Variants in DENND4C observed in about 807,000 individuals in gnomAD.
DENND4C encodes the protein DENN domain-containing protein 4C.
A neutral mutation model predicts 203.0 loss-of-function variants in DENND4C; 108 were observed. The observed-to-expected ratio is 0.53, with a 90% CI of 0.46 to 0.62. The LOEUF is 0.62. Ranked by LOEUF, DENND4C falls within the 20% of genes least tolerant of loss-of-function variation. The probability of loss-of-function intolerance (pLI) is 0.00; values close to 1 mark genes in which losing one functional copy is unlikely to be tolerated. For synonymous variants in DENND4C, 871 were observed against 792.4 expected (o/e 1.10, Z -1.67); for missense variants, 2,481 against 2,301.2 (o/e 1.08, Z -1.60).
rs142571050 is a variant in DENND4C at position 19,269,001 on chromosome 9, T to A, written c.-17-7157T>A. Among the ~76,000 whole-genome samples the A allele has an allele frequency of 2.6e-3, 391 of 152,288 alleles. 1 individual carries two copies. The highest frequency in any genetic ancestry group is 9.2e-3 in the African/African-American group (384 of 41,568). The stretch of plus-strand genomic sequence containing the variant: ...TATGTTTGGGAAGTTCTCTGTAGTA[T>A]ATCTCTTTGAATAAACTTGGTACAT... On this transcript the variant is annotated intron_variant, in intron 1 of 32. Coordinates refer to ENST00000434457, the MANE Select transcript of DENND4C (RefSeq NM_001330640.2).
At chr9:19,254,867 C>G (rs1017667866) in intron 1 of DENND4C, among the ~76,000 whole-genome samples, 1 of 152,074 alleles carries the variant, frequency 6.6e-6, no homozygotes, top group South Asian at 2.1e-4. Flanking sequence ...TGTGGGGGCT[C>G]GTGCCTGTAA....
At chr9:19,322,869 C>G (rs1843122425) in intron 12 of DENND4C, among the ~76,000 whole-genome samples, 1 of 151,896 alleles carries the variant, frequency 6.6e-6, no homozygotes, top group Non-Finnish European at 1.5e-5. Context: ...ACCAGATAGG[C>G]AGAGCTAATG....
chr9:19,248,891 G>T (rs957106915), intron 1 of DENND4C, among the ~76,000 whole-genome samples: 12 of 151,570 alleles, frequency 7.9e-5, no homozygotes, highest in Non-Finnish European at 1.5e-4. Flanking sequence ...TCCGCCTCCT[G>T]GTGATTCTCG....
At chr9:19,313,006 T>C (rs1435111467) in intron 10 of DENND4C, among the ~76,000 whole-genome samples, 2 of 152,190 alleles carry the variant, frequency 1.3e-5, no homozygotes, top group Non-Finnish European at 2.9e-5. Context: ...TATATTGTTA[T>C]ATATTTGAAC....
intron 29 of DENND4C, 83 bp downstream of exon 29, chr9:19,360,572 C>A: frequency 6.6e-7 from 1 of 1,520,736 alleles, no homozygotes; most frequent in Non-Finnish European, 9.0e-7. Flanking sequence ...ACAACAGTAG[C>A]AGCTTAACAA....
chr9:19,248,027 C>T (rs1003722290), intron 1 of DENND4C, among the ~76,000 whole-genome samples: 1 of 152,138 alleles, frequency 6.6e-6, no homozygotes, highest in Admixed American at 6.5e-5. Context: ...CTTCTATCTG[C>T]TCTCCCTTGC....
In DENND4C at chr9:19,352,557, C is replaced by T; in HGVS notation, c.4673C>T (p.Ala1558Val). 1 of 1,613,752 alleles carries T rather than the reference C, an allele frequency of 6.2e-7. No individual in the cohort carries two copies. Among genetic ancestry groups the T allele is most frequent in the Non-Finnish European group, 8.5e-7 (1 of 1,179,798 alleles). ...GALVYDEEIMAGWTADDSNLN... is the reference protein window; with the variant it reads ...GALVYDEEIMVGWTADDSNLN... Reference sequence around the variant, plus strand: ...TTAGTTTATGATGAAGAAATTATGGCTGGATGGACAGCAGATGACTCAAAT... The same window carrying T: ...TTAGTTTATGATGAAGAAATTATGGTTGGATGGACAGCAGATGACTCAAAT... The change falls in exon 26 of 33, where the codon GCT becomes GTT. Residue 1558 changes from alanine (A) to valine (V), a missense_variant. Transcript: ENST00000434457.
chr9:19,343,163 G>A (rs1822041180), intron 22 of DENND4C, among the ~76,000 whole-genome samples: 1 of 152,062 alleles, frequency 6.6e-6, no homozygotes, highest in Admixed American at 6.6e-5. Flanking sequence ...ATCACTGAAG[G>A]GAAATGGAAG....
chr9:19,315,177 A>G (rs1057096428), intron 10 of DENND4C, among the ~76,000 whole-genome samples: 2 of 151,570 alleles, frequency 1.3e-5, no homozygotes, highest in African/African-American at 4.8e-5. Context: ...AAAAAAGAAA[A>G]GAAAAAGCTG....
chr9:19,274,467 G>C (rs2130884497), intron 1 of DENND4C, among the ~76,000 whole-genome samples: 1 of 152,194 alleles, frequency 6.6e-6, no homozygotes, highest in Middle Eastern at 3.4e-3. Context: ...AGCTAATTTT[G>C]TATATTTAGT....
intron 1 of DENND4C, among the ~76,000 whole-genome samples, chr9:19,233,627 C>A (rs1009838803): frequency 3.1e-5 from 4 of 127,860 alleles, no homozygotes; most frequent in African/African-American, 1.2e-4. Flanking sequence ...GTGGTGTGAT[C>A]TCGGCTCACT....
chr9:19,280,796 A>C (rs1833896601), intron 2 of DENND4C, among the ~76,000 whole-genome samples: 1 of 151,946 alleles, frequency 6.6e-6, no homozygotes, highest in Non-Finnish European at 1.5e-5. Context: ...GCTGCAGTGC[A>C]ATGGTGTGAT....
At position 19,346,170 on chromosome 9, in the gene DENND4C, C is replaced by T; in HGVS notation, c.3401C>T (p.Thr1134Ile). The T allele has an allele frequency of 3.1e-6, 5 of 1,614,204 alleles. No individual in the cohort carries two copies. The highest frequency in any genetic ancestry group is 4.2e-6 in the Non-Finnish European group (5 of 1,180,032). Residue 1134 changes from threonine (T) to isoleucine (I), a missense_variant, in exon 23 of 33, where the codon ACA becomes ATA. By Grantham distance (89) the Thr-to-Ile change is moderately conservative. Around this residue, in one of 3 missense-constraint regions of DENND4C, gnomAD observed 2,289 missense variants for 2,113.3 expected, o/e 1.08. Coordinates refer to ENST00000434457, the MANE Select transcript of DENND4C (RefSeq NM_001330640.2). The part of the protein sequence containing the change: ...ADAKILTAAL[T>I]CPKTSLLHIA... ...GCCAAGATTCTCACAGCAGCATTGA[C>T]ATGTCCTAAGACTTCTCTACTTCAT...
At chr9:19,326,968 T>C (rs1308779783) in intron 15 of DENND4C, among the ~76,000 whole-genome samples, 3 of 152,070 alleles carry the variant, frequency 2.0e-5, no homozygotes, top group Admixed American at 6.6e-5. Context: ...ATCTTTGTTA[T>C]TTTCTTAGGC....
At chr9:19,263,366 GT>G (rs1231754960) in intron 1 of DENND4C, among the ~76,000 whole-genome samples, 1 of 151,834 alleles carries the variant, frequency 6.6e-6, no homozygotes. Flanking sequence ...TTGTTTATTT[GT>G]TTTTTTGAGA....
chr9:19,288,490 A>G (rs1835653607), intron 3 of DENND4C, 106 bp from the exon 4 acceptor site: 1 of 620,644 alleles, frequency 1.6e-6, no homozygotes, highest in African/African-American at 1.9e-5. Flanking sequence ...TAAACGTTTT[A>G]AATAGACTCT....
chr9:19,262,073 GTTCTTTTTTTTTTTTTTTTT>G lies in DENND4C; in HGVS notation c.-17-14082_-17-14063del, dbSNP rs1169823285. ...TCCTGAAACTTTAGTGAATTTATTAGTTCTTTTTTTTTTTTTTTTTTTTTTTTTTTTTGAGACAAGTCTTG... is the reference window on the plus strand; with the variant it reads ...TCCTGAAACTTTAGTGAATTTATTAGTTTTTTTTTTTTGAGACAAGTCTTG... On this transcript the variant is annotated intron_variant, in intron 1 of 32. Coordinates refer to ENST00000434457, the MANE Select transcript of DENND4C (RefSeq NM_001330640.2). 1.3e-3 allele frequency among the ~76,000 whole-genome samples: 94 copies of G among 73,944 alleles called. 2 individuals carry two copies. Among genetic ancestry groups the G allele is most frequent in the African/African-American group, 3.9e-3 (87 of 22,288 alleles). 48.5% of individuals were successfully genotyped at this position (73,944 alleles called of 152,430 possible).
intron 1 of DENND4C, among the ~76,000 whole-genome samples, chr9:19,259,157 G>A (rs1021586084): frequency 1.3e-5 from 2 of 151,860 alleles, no homozygotes; most frequent in East Asian, 3.8e-4. Flanking sequence ...GTTGACTGTA[G>A]TCATCCTGTT....
intron 26 of DENND4C, among the ~76,000 whole-genome samples, 186 bp from the exon 27 acceptor site, chr9:19,356,786 T>TGTGTGAGAGAGAGA (rs1825505249): frequency 2.5e-5 from 3 of 118,772 alleles, no homozygotes; most frequent in Non-Finnish European, 5.4e-5. Flanking sequence ...TGTGTGTGTG[T>TGTGTGAGAGAGAGA]GTGAGAGAGA....
Sources: gnomAD v4.1 joint callset for allele counts (sites outside exome capture counted in the v4.1 genomes callset) on GRCh38, gnomAD v4.1.1 for gene constraint, gnomAD v4.1.1 regional missense constraint, MANE v1.5 for transcripts, NCBI Gene and HGNC (gene_info 2026-07-23, HGNC 2026-07-21) for gene names.